The following FOXP2 variants were observed in gnomAD, a reference collection of about 807,000 sequenced individuals.
FOXP2 encodes forkhead box protein P2.
FOXP2 carries 12 observed loss-of-function variants against 115.8 expected under a neutral mutation model. The observed-to-expected ratio is 0.10, with a 90% CI of 0.07 to 0.17. The LOEUF (loss-of-function observed/expected upper bound fraction) is 0.17. Among genes scored for constraint, FOXP2 ranks in the 10% least tolerant of loss-of-function variants. The probability of loss-of-function intolerance (pLI) is 1.00; values close to 1 mark genes in which losing one functional copy is unlikely to be tolerated. For missense variants in FOXP2, 629 were observed against 843.5 expected (o/e 0.75, Z 3.15); for synonymous variants, 328 against 297.7 (o/e 1.10, Z -1.05).
chr7:114,246,242 A>T (rs1169235565), intron 1 of FOXP2, among the ~76,000 whole-genome samples: 6 of 152,132 alleles, frequency 3.9e-5, no homozygotes, highest in African/African-American at 1.4e-4. Flanking sequence ...GTTTTCAAAG[A>T]GCCCTTTAAT....
intron 16 of FOXP2, chr7:114,669,098 T>C (rs2129344699): frequency 6.6e-6 from 1 of 152,190 alleles, no homozygotes; most frequent in African/African-American, 2.4e-5. Flanking sequence ...ACCATTCCAA[T>C]TTACGTGAGT....
chr7:114,125,675 G>C lies in FOXP2; in HGVS notation c.-246-37269G>C, dbSNP rs147921648. ...AAGCTTCACCATAGCTTGGATCCCT[G>C]ATGTTCAGTGAATCATGACTTCTGC... On this transcript the variant is annotated intron_variant, in intron 1 of 19. Transcript: ENST00000635638. Among the ~76,000 whole-genome samples the C allele has an allele frequency of 4.4e-3, 668 of 152,142 alleles. 3 individuals carry two copies. The highest frequency in any genetic ancestry group is 0.024 in the Middle Eastern group (7 of 294).
intron 16 of FOXP2, 174 bp downstream of exon 16, chr7:114,664,610 A>AT (rs1304019852): frequency 4.4e-5 from 31 of 711,730 alleles, no homozygotes; most frequent in Middle Eastern, 7.9e-4. Flanking sequence ...GTTTTAATAC[A>AT]TTTTTTAGAT....
At position 114,659,450 on chromosome 7, in the gene FOXP2, T is replaced by G. The variant is rs746289451; in HGVS notation, c.1545+18T>G. The G allele has an allele frequency of 3.7e-6, 6 of 1,606,318 alleles. No individual in the cohort carries two copies. The highest frequency in any genetic ancestry group is 1.7e-4 in the Middle Eastern group (1 of 6,058). On this transcript the variant is annotated intron_variant, in intron 12 of 16. Transcript: ENST00000350908. ...TAAGGCAGGTAAGTAGAAGGAAAAT[T>G]AACTTTGCCTGATTAAATTAAAATT...
chr7:114,568,714 C>G (rs1045022996), intron 3 of FOXP2, among the ~76,000 whole-genome samples: 1 of 151,750 alleles, frequency 6.6e-6, no homozygotes, highest in Non-Finnish European at 1.5e-5. Context: ...ACCTGTATCC[C>G]TTAAATTACC....
chr7:114,328,543 T>C lies in FOXP2; in HGVS notation c.-11+40434T>C, dbSNP rs894879722. ...GAGCCACCGCGCCCAGCCTCAGCCCTTTCTTTTCGTAATATTCTGACTTAG... is the reference window on the plus strand; with the variant it reads ...GAGCCACCGCGCCCAGCCTCAGCCCCTTCTTTTCGTAATATTCTGACTTAG... On this transcript the variant is annotated intron_variant, in intron 2 of 17. Transcript: ENST00000634411. Among the ~76,000 whole-genome samples, 13 of 152,226 alleles carry C rather than the reference T, an allele frequency of 8.5e-5. No homozygotes were observed. The East Asian group carries it at 2.5e-3, about 29-fold the overall frequency.
intron 2 of FOXP2, among the ~76,000 whole-genome samples, chr7:114,450,365 C>T (rs760856296): frequency 8.6e-5 from 13 of 151,962 alleles, no homozygotes; most frequent in Non-Finnish European, 1.9e-4. Flanking sequence ...TTAATCAGGC[C>T]TGCCACATTA....
At chr7:114,202,096 G>A (rs1399262729) in intron 1 of FOXP2, among the ~76,000 whole-genome samples, 1 of 152,184 alleles carries the variant, frequency 6.6e-6, no homozygotes, top group Non-Finnish European at 1.5e-5. Flanking sequence ...AGAGGGAAGA[G>A]GATCTGGATG....
chr7:114,379,496 G>A (rs1257049380), intron 2 of FOXP2, among the ~76,000 whole-genome samples: 3 of 152,024 alleles, frequency 2.0e-5, no homozygotes, highest in African/African-American at 2.4e-5. Flanking sequence ...GCTGAATTGG[G>A]GCATAGTAGG....
intron 2 of FOXP2, among the ~76,000 whole-genome samples, chr7:114,395,405 G>C (rs911984523): frequency 6.6e-6 from 1 of 152,118 alleles, no homozygotes; most frequent in Non-Finnish European, 1.5e-5. Flanking sequence ...TAAGCTCAGA[G>C]GTTTGGGAAG....
intron 2 of FOXP2, among the ~76,000 whole-genome samples, chr7:114,338,447 T>C (rs1389252641): frequency 1.3e-5 from 2 of 150,990 alleles, no homozygotes; most frequent in Non-Finnish European, 3.0e-5. Flanking sequence ...ATTTTATTAC[T>C]AATAGTAAAT....
Position 114,354,871 on chromosome 7 carries a change from G to A in FOXP2, c.-11+66762G>A, listed in dbSNP as rs569755067. Among the ~76,000 whole-genome samples, 127 of 152,238 alleles carry A rather than the reference G, an allele frequency of 8.3e-4. 2 individuals are homozygous for A. Among genetic ancestry groups the A allele is most frequent in the South Asian group, 7.7e-3 (37 of 4,822 alleles). On this transcript the variant is annotated intron_variant, in intron 2 of 17. Coordinates refer to the FOXP2 transcript ENST00000634411. ...TGAAAAGGTATATATTTTGGACAGA[G>A]TATGTATAATAACCACTTTGATGTA...
intron 1 of FOXP2, among the ~76,000 whole-genome samples, chr7:114,125,894 CA>C (rs1227202724): frequency 6.6e-6 from 1 of 152,068 alleles, no homozygotes; most frequent in Non-Finnish European, 1.5e-5. Flanking sequence ...GATGTCATAT[CA>C]AAAGACATTC....
intron 5 of FOXP2, among the ~76,000 whole-genome samples, chr7:114,630,861 T>C (rs1804864186): frequency 6.6e-6 from 1 of 152,156 alleles, no homozygotes; most frequent in Non-Finnish European, 1.5e-5. Flanking sequence ...AAAGGAAAGG[T>C]CTTCCACAGC....
rs143000587 is a variant in FOXP2, at chr7:114,369,403, G to A, written c.-10-57099G>A. 1.8e-4 allele frequency among the ~76,000 whole-genome samples: 27 copies of A among 152,226 alleles called. 1 individual carries two copies. Among genetic ancestry groups the A allele is most frequent in the African/African-American group, 6.5e-4 (27 of 41,550 alleles). Reference sequence around the variant, plus strand: ...GTCCAGGTGGAGTAGTCATTCATATGCCAAGAGTTCTGTTCAATCTACTTG... The same window carrying A: ...GTCCAGGTGGAGTAGTCATTCATATACCAAGAGTTCTGTTCAATCTACTTG... On this transcript the variant is annotated intron_variant, in intron 2 of 17. Coordinates refer to the FOXP2 transcript ENST00000634411.
intron 2 of FOXP2, among the ~76,000 whole-genome samples, chr7:114,501,560 C>A (rs1797566916): frequency 6.6e-6 from 1 of 152,040 alleles, no homozygotes; most frequent in African/African-American, 2.4e-5. Flanking sequence ...TAGGAACAGC[C>A]ACAGACAACT....
Position 114,689,937 on chromosome 7 carries a change from G to A in FOXP2, c.*11G>A. ...GAAGATCTGGAATGAGAACTGACTT[G>A]TGAAACCTCAGCGTGAAGGGACATA... is the stretch of plus-strand genomic sequence containing the variant. On this transcript the variant is annotated 3_prime_UTR_variant, in exon 17 of 17. Transcript: ENST00000350908. The A allele has an allele frequency of 1.2e-6, 2 of 1,612,654 alleles. No homozygotes were observed. The highest frequency in any genetic ancestry group is 2.2e-5 in the South Asian group (2 of 91,066).
intron 1 of FOXP2, among the ~76,000 whole-genome samples, chr7:114,236,422 C>T (rs939273172): frequency 1.2e-4 from 18 of 152,128 alleles, no homozygotes; most frequent in African/African-American, 4.1e-4. Flanking sequence ...ATTTCAGAAA[C>T]ACATGTAGTC....
At chr7:114,320,371 C>T in intron 2 of FOXP2, among the ~76,000 whole-genome samples, 1 of 152,216 alleles carries the variant, frequency 6.6e-6, no homozygotes, top group East Asian at 1.9e-4. Context: ...GCCCTACCAC[C>T]TCTGTGTTCT....
Sources: allele counts gnomAD v4.1 joint callset (sites outside exome capture counted in the v4.1 genomes callset), GRCh38; gene constraint gnomAD v4.1.1; transcripts MANE v1.5; gene names NCBI Gene and HGNC (gene_info 2026-07-23, HGNC 2026-07-21).